The following FBXL13 variants were observed in gnomAD, a reference collection of about 807,000 sequenced individuals.
FBXL13 encodes the protein F-box and leucine-rich repeat protein 13.
FBXL13 carries 67 observed loss-of-function variants against 83.6 expected under a neutral mutation model. That is an observed-to-expected ratio of 0.80 (90% confidence interval 0.66 to 0.98). The LOEUF is 0.98. Ranked by LOEUF, FBXL13 falls within the 50% of genes least tolerant of loss-of-function variation. The pLI, the probability that FBXL13 is intolerant of heterozygous loss-of-function variation, is 0.00. For synonymous variants in FBXL13, 272 were observed against 299.5 expected (o/e 0.91, Z 0.95); for missense variants, 822 against 866.5 (o/e 0.95, Z 0.64).
At chr7:103,029,454 G>A (rs558272482) in intron 2 of FBXL13, 36 bp from the exon 4 acceptor site, 20 of 1,165,036 alleles carry the variant, frequency 1.7e-5, no homozygotes, top group Non-Finnish European at 2.4e-5. Flanking sequence ...ACAAATATTA[G>A]AAATAAATGG....
At chr7:102,813,489 T>C (rs1271314704) in exon 20 of FBXL13, 4 of 1,614,062 alleles carry the variant, frequency 2.5e-6, no homozygotes, top group African/African-American at 2.7e-5. Flanking sequence ...TAGTGTTGTA[T>C]TCCTGCTGCT....
chr7:103,026,066 C>G (rs1793873725), intron 5 of FBXL13, among the ~76,000 whole-genome samples: 1 of 151,750 alleles, frequency 6.6e-6, no homozygotes, highest in East Asian at 1.9e-4. Flanking sequence ...ATATCAACCA[C>G]TGTGTGCAAA....
At chr7:103,012,030 G>C (rs1791687915) in intron 6 of FBXL13, among the ~76,000 whole-genome samples, 1 of 151,996 alleles carries the variant, frequency 6.6e-6, no homozygotes, top group African/African-American at 2.4e-5. Flanking sequence ...ACAAAAGAAG[G>C]CCATCCCAAG....
intron 18 of FBXL13, among the ~76,000 whole-genome samples, chr7:102,826,260 T>G (rs1464507779): frequency 6.6e-6 from 1 of 152,176 alleles, no homozygotes; most frequent in African/African-American, 2.4e-5. Context: ...AGGGGCTGAA[T>G]AGTCCACAAA....
intron 10 of FBXL13, among the ~76,000 whole-genome samples, chr7:102,918,541 C>T (rs919081926): frequency 1.3e-5 from 2 of 152,190 alleles, no homozygotes; most frequent in Non-Finnish European, 2.9e-5. Context: ...CTGGGTCACA[C>T]AGAGTGGATC....
chr7:103,008,535 G>A (rs577135414), intron 6 of FBXL13, among the ~76,000 whole-genome samples: 63 of 152,262 alleles, frequency 4.1e-4, no homozygotes, highest in African/African-American at 1.5e-3. Flanking sequence ...AATGAAAAAT[G>A]TATGCTGGAT....
downstream of FBXL13, among the ~76,000 whole-genome samples, chr7:102,812,899 GT>G (rs1423123529): frequency 1.4e-5 from 2 of 146,526 alleles, no homozygotes; most frequent in Middle Eastern, 3.5e-3. Flanking sequence ...CTGGAATGCA[GT>G]GACGTGATCT....
chr7:102,975,669 C>T lies in FBXL13; in HGVS notation c.496-7552G>A, dbSNP rs189318098. On this transcript the variant is annotated intron_variant, in intron 6 of 19. Transcript: ENST00000313221. ...TAACTGAAGCCATGAGAAAATATACCAACCTAGACCTAGCCAGTCCAGAAG... is the reference window on the plus strand; with the variant it reads ...TAACTGAAGCCATGAGAAAATATACTAACCTAGACCTAGCCAGTCCAGAAG... 2.9e-3 allele frequency among the ~76,000 whole-genome samples: 434 copies of T among 152,260 alleles called. 2 individuals carry two copies. Among genetic ancestry groups the T allele is most frequent in the Non-Finnish European group, 5.4e-3 (364 of 68,014 alleles).
intron 8 of FBXL13, among the ~76,000 whole-genome samples, chr7:102,942,741 G>C (rs1821712856): frequency 6.6e-6 from 1 of 152,060 alleles, no homozygotes; most frequent in Non-Finnish European, 1.5e-5. Context: ...ATTTTTTTAA[G>C]GGGGAATTAT....
At chr7:103,016,699 G>GTCCCACACCCATGGAGCC (rs1792378432) in intron 6 of FBXL13, among the ~76,000 whole-genome samples, 1 of 152,152 alleles carries the variant, frequency 6.6e-6, no homozygotes, top group African/African-American at 2.4e-5. Context: ...GGCTCGGAGG[G>GTCCCACACCCATGGAGCC]TCCCACACCC....
intron 2 of FBXL13, among the ~76,000 whole-genome samples, chr7:103,033,887 G>A (rs996781294): frequency 2.0e-5 from 3 of 152,126 alleles, no homozygotes; most frequent in African/African-American, 4.8e-5. Flanking sequence ...TTGACAGGGC[G>A]CTGATTGGTG....
intron 17 of FBXL13, among the ~76,000 whole-genome samples, chr7:102,843,368 A>C (rs986380920): frequency 2.0e-5 from 3 of 152,220 alleles, no homozygotes; most frequent in African/African-American, 7.2e-5. Context: ...ACTTGAACCC[A>C]GGAGGCAGAG....
intron 7 of FBXL13, among the ~76,000 whole-genome samples, chr7:102,966,027 G>A (rs1313357768): frequency 6.6e-6 from 1 of 152,124 alleles, no homozygotes; most frequent in Non-Finnish European, 1.5e-5. Context: ...GGTTTCAGGG[G>A]CTCTAGCTTC....
intron 6 of FBXL13, among the ~76,000 whole-genome samples, chr7:103,015,007 T>C (rs1285314822): frequency 6.7e-6 from 1 of 150,350 alleles, no homozygotes; most frequent in South Asian, 2.1e-4. Flanking sequence ...CATGGTCAAG[T>C]AGGCTTCCTC....
rs1388953778 is a variant in FBXL13, at chr7:102,826,181, A to G, written c.1855-3978T>C. Among the ~76,000 whole-genome samples, 28 of 152,228 alleles carry G rather than the reference A, an allele frequency of 1.8e-4. No individual in the cohort carries two copies. The East Asian group carries it at 3.7e-3, about 20-fold the overall frequency. On this transcript the variant is annotated intron_variant, in intron 18 of 19. Transcript: ENST00000313221. ...TCCTGTTTTGATTGTGTGAGAAGTC[A>G]GGTAATTTTACTAGCACTTCTGGTG...
intron 6 of FBXL13, among the ~76,000 whole-genome samples, chr7:102,993,674 C>G (rs889100352): frequency 2.0e-5 from 3 of 151,992 alleles, no homozygotes; most frequent in Non-Finnish European, 4.4e-5. Context: ...CTAAGTTTGG[C>G]CAACAGTTTG....
chr7:103,017,429 C>T (rs2129487217), intron 6 of FBXL13, among the ~76,000 whole-genome samples: 1 of 152,346 alleles, frequency 6.6e-6, no homozygotes. Flanking sequence ...TCTCCCCCTC[C>T]AAAGGAATGC....
chr7:102,975,004 G>A (rs926263632), intron 6 of FBXL13, among the ~76,000 whole-genome samples: 7 of 151,688 alleles, frequency 4.6e-5, no homozygotes, highest in African/African-American at 1.7e-4. Context: ...ACCACCTTAC[G>A]CCCCTATCTA....
At chr7:103,068,330 G>A (rs1798592539) in intron 1 of FBXL13, among the ~76,000 whole-genome samples, 1 of 152,096 alleles carries the variant, frequency 6.6e-6, no homozygotes, top group Admixed American at 6.5e-5. Context: ...AAAAAGGAGG[G>A]AAGATACATA....
Sources: gnomAD v4.1 joint callset for allele counts (sites outside exome capture counted in the v4.1 genomes callset) on GRCh38, gnomAD v4.1.1 for gene constraint, MANE v1.5 for transcripts, NCBI Gene and HGNC (gene_info 2026-07-23, HGNC 2026-07-21) for gene names.